TMEFF1: variants seen among roughly 807,000 people sequenced by gnomAD.
The protein encoded by TMEFF1 is tomoregulin-1.
In TMEFF1, 20 loss-of-function variants were observed where a neutral mutation model predicts 47.5. The observed-to-expected ratio is 0.42, with a 90% CI of 0.30 to 0.61. The LOEUF (loss-of-function observed/expected upper bound fraction) is 0.61, where lower values mean the gene tolerates loss of function less well. TMEFF1 is among the 20% of genes least tolerant of loss of function. The probability of loss-of-function intolerance (pLI) is 0.19; values close to 1 mark genes in which losing one functional copy is unlikely to be tolerated. For synonymous variants in TMEFF1, 162 were observed against 166.3 expected (o/e 0.97, Z 0.20); for missense variants, 411 against 471.1 (o/e 0.87, Z 1.18).
intron 5 of TMEFF1, among the ~76,000 whole-genome samples, chr9:100,522,312 T>G (rs1001895973): frequency 6.6e-6 from 1 of 152,146 alleles, no homozygotes; most frequent in African/African-American, 2.4e-5. Flanking sequence ...CCCCTTAGAT[T>G]ATAATGGAAA....
chr9:100,519,676 T>A (rs866052070), intron 5 of TMEFF1, among the ~76,000 whole-genome samples: 2,455 of 139,962 alleles, frequency 0.018, 79 homozygotes, highest in African/African-American at 0.063. Context: ...TTTTTTTTTT[T>A]AACAAAAACA....
At chr9:100,531,086 T>G (rs1838367597) in intron 5 of TMEFF1, among the ~76,000 whole-genome samples, 1 of 151,974 alleles carries the variant, frequency 6.6e-6, no homozygotes, top group Non-Finnish European at 1.5e-5. Flanking sequence ...GGGACATATT[T>G]CAAAATAATA....
chr9:100,545,290 GA>G (rs1263887188), intron 5 of TMEFF1, among the ~76,000 whole-genome samples: 3 of 152,178 alleles, frequency 2.0e-5, no homozygotes, highest in Non-Finnish European at 4.4e-5. Flanking sequence ...TACATCCTCT[GA>G]AATCTAGGTG....
chr9:100,485,276 T>A (rs1837428131), intron 1 of TMEFF1, among the ~76,000 whole-genome samples: 1 of 152,210 alleles, frequency 6.6e-6, no homozygotes, highest in South Asian at 2.1e-4. Flanking sequence ...CATGTACAAG[T>A]TTTTGTGTAA....
chr9:100,492,650 T>G (rs1837575466), intron 1 of TMEFF1, among the ~76,000 whole-genome samples: 1 of 151,278 alleles, frequency 6.6e-6, no homozygotes, highest in East Asian at 1.9e-4. Context: ...GAAAAAGGAG[T>G]GGGTAAATGA....
intron 8 of TMEFF1, among the ~76,000 whole-genome samples, chr9:100,568,328 A>G (rs1316367525): frequency 3.9e-5 from 6 of 152,174 alleles, no homozygotes; most frequent in Non-Finnish European, 8.8e-5. Context: ...AGCTTTGACT[A>G]TTGGCCATTA....
At chr9:100,488,932 A>G (rs887273367) in intron 1 of TMEFF1, among the ~76,000 whole-genome samples, 4 of 152,154 alleles carry the variant, frequency 2.6e-5, no homozygotes, top group African/African-American at 9.7e-5. Context: ...TCATAATGTA[A>G]AATTCAGCAT....
chr9:100,570,911 G>A (rs1228365405), intron 8 of TMEFF1, among the ~76,000 whole-genome samples: 1 of 152,046 alleles, frequency 6.6e-6, no homozygotes, highest in Non-Finnish European at 1.5e-5. Context: ...CTGAAGGCTG[G>A]CTAATTTATA....
intron 1 of TMEFF1, among the ~76,000 whole-genome samples, chr9:100,483,742 C>A (rs1001444824): frequency 1.3e-5 from 2 of 151,816 alleles, no homozygotes; most frequent in African/African-American, 4.8e-5. Context: ...TGCTTTAAGT[C>A]TCTCTTTGTG....
rs1355512007 is a variant in TMEFF1 at position 100,488,439 on chromosome 9, A to C, written c.197-10326A>C. Among the ~76,000 whole-genome samples the C allele has an allele frequency of 2.0e-5, 3 of 152,194 alleles. No homozygotes were observed. In the East Asian group the frequency reaches 5.8e-4, roughly 29 times the overall value. ...TTATATCTGTTATAGTTTCCTGGAA[A>C]TGTTGGGTAAAAGGATAAAGACAAT... is the stretch of plus-strand genomic sequence containing the variant. On this transcript the variant is annotated intron_variant, in intron 1 of 9. Transcript: ENST00000374879.
At chr9:100,494,206 CA>C (rs543991655) in intron 1 of TMEFF1, among the ~76,000 whole-genome samples, 5,233 of 54,328 alleles carry the variant, frequency 0.096, 109 homozygotes, top group South Asian at 0.29. Flanking sequence ...GACCTTGTCT[CA>C]AAAAAAAAAA....
intron 1 of TMEFF1, among the ~76,000 whole-genome samples, chr9:100,481,940 C>A (rs1298750936): frequency 1.3e-5 from 2 of 151,872 alleles, no homozygotes; most frequent in Non-Finnish European, 2.9e-5. Flanking sequence ...TACCACTACG[C>A]CCAGCTAATT....
chr9:100,553,608 A>G (rs1268712523), intron 7 of TMEFF1, among the ~76,000 whole-genome samples: 1 of 152,200 alleles, frequency 6.6e-6, no homozygotes. Flanking sequence ...TGTGGTAAAT[A>G]TTGAAATTGG....
At chr9:100,483,925 T>C (rs1050252208) in intron 1 of TMEFF1, among the ~76,000 whole-genome samples, 1 of 152,218 alleles carries the variant, frequency 6.6e-6, no homozygotes, top group African/African-American at 2.4e-5. Context: ...CTTCCACTTA[T>C]AATGATAGGT....
chr9:100,477,584 T>C (rs1360827726), intron 1 of TMEFF1, among the ~76,000 whole-genome samples: 1 of 151,934 alleles, frequency 6.6e-6, no homozygotes, highest in Non-Finnish European at 1.5e-5. Flanking sequence ...ACATAGCAGG[T>C]TTACCCACAG....
intron 8 of TMEFF1, among the ~76,000 whole-genome samples, chr9:100,567,865 TG>T (rs775793098): frequency 2.0e-5 from 3 of 152,138 alleles, no homozygotes; most frequent in African/African-American, 4.8e-5. Flanking sequence ...TCCACGTGGC[TG>T]GGGAGGCCTC....
At chr9:100,553,005 G>C (rs1301687078) in intron 7 of TMEFF1, among the ~76,000 whole-genome samples, 1 of 152,170 alleles carries the variant, frequency 6.6e-6, no homozygotes, top group Admixed American at 6.5e-5. Context: ...ATTTAGAAAG[G>C]AGAGAAGGCC....
chr9:100,527,389 T>A (rs1838282657), intron 5 of TMEFF1, among the ~76,000 whole-genome samples: 1 of 152,124 alleles, frequency 6.6e-6, no homozygotes, highest in Non-Finnish European at 1.5e-5. Context: ...GCGCGCACAG[T>A]GCGTGAGCCG....
At chr9:100,515,563 G>A (rs188162789) in intron 4 of TMEFF1, among the ~76,000 whole-genome samples, 8 of 152,068 alleles carry the variant, frequency 5.3e-5, no homozygotes, top group African/African-American at 1.4e-4. Flanking sequence ...TGAGGTGGGC[G>A]GATCACAAGG....
Sources: allele counts gnomAD v4.1 joint callset (sites outside exome capture counted in the v4.1 genomes callset), GRCh38; gene constraint gnomAD v4.1.1; transcripts MANE v1.5; gene names NCBI Gene and HGNC (gene_info 2026-07-23, HGNC 2026-07-21).